The following PAH variants were observed in gnomAD, a reference collection of about 807,000 sequenced individuals.
The protein encoded by PAH is phenylalanine-4-hydroxylase.
In PAH, 64 loss-of-function variants were observed where a neutral mutation model predicts 62.0. That is an observed-to-expected ratio of 1.03 (90% CI 0.84 to 1.27). The LOEUF is 1.27. PAH is among the 50% of genes most tolerant of loss of function. PAH has a pLI of 0.00. For missense variants in PAH, 579 were observed against 542.8 expected, an observed-to-expected ratio of 1.07 and a Z score of -0.66; for synonymous variants, 195 against 196.2, an observed-to-expected ratio of 0.99 and a Z score of 0.05.
rs201083544 is a variant in PAH at position 102,846,875 on chromosome 12, C to T, written c.969+20G>A. 302 of 1,608,284 alleles carry T rather than the reference C, an allele frequency of 1.9e-4. 3 individuals are homozygous for T. The South Asian group carries it at 3.2e-3, about 17-fold the overall frequency. On this transcript the variant is annotated intron_variant, in intron 9 of 12. Coordinates refer to ENST00000553106, the MANE Select transcript of PAH (RefSeq NM_000277.3). ...AGCCTATAGCACTCCACCATCCACCCAGGGAGAGAAGGGACTTACTGTGGC... is the reference window on the plus strand; with the variant it reads ...AGCCTATAGCACTCCACCATCCACCTAGGGAGAGAAGGGACTTACTGTGGC...
intron 5 of PAH, among the ~76,000 whole-genome samples, chr12:102,857,438 G>A (rs1875489074): frequency 6.6e-6 from 1 of 152,124 alleles, no homozygotes; most frequent in Non-Finnish European, 1.5e-5. Context: ...ACCTAGCAAG[G>A]CAGGCCAACA....
At chr12:102,891,504 TTTATAA>T (rs1592976901) in intron 3 of PAH, among the ~76,000 whole-genome samples, 2 of 152,144 alleles carry the variant, frequency 1.3e-5, no homozygotes, top group East Asian at 3.9e-4. Flanking sequence ...CATGCCAGTG[TTTATAA>T]TAATAATGAT....
At chr12:102,908,733 C>T (rs1427464685) in intron 2 of PAH, among the ~76,000 whole-genome samples, 1 of 151,918 alleles carries the variant, frequency 6.6e-6, no homozygotes, top group South Asian at 2.1e-4. Flanking sequence ...ACGTTATAAA[C>T]GAAAGACCAT....
chr12:102,877,337 G>A, intron 4 of PAH, 125 bp downstream of exon 4: 2 of 805,484 alleles, frequency 2.5e-6, no homozygotes. Context: ...GTGTAAATAG[G>A]AACACAATAA....
intron 1 of PAH, 138 bp from the exon 2 acceptor site, chr12:102,913,036 T>C: frequency 1.5e-6 from 1 of 668,690 alleles, no homozygotes; most frequent in South Asian, 1.6e-5. Flanking sequence ...ATATATTCTA[T>C]ACAGAAATAT....
At chr12:102,853,427 G>A (rs1252240086) in intron 6 of PAH, 1 of 227,030 alleles carries the variant, frequency 4.4e-6, no homozygotes, top group Non-Finnish European at 8.8e-6. Flanking sequence ...TACCCCATAA[G>A]TAGCAGTGAC....
At chr12:102,859,976 C>T (rs1420271418) in intron 5 of PAH, among the ~76,000 whole-genome samples, 2 of 152,142 alleles carry the variant, frequency 1.3e-5, no homozygotes, top group Non-Finnish European at 2.9e-5. Flanking sequence ...AAGTTCTGGT[C>T]AGGGCAATCG....
At chr12:102,881,210 C>T (rs1876799997) in intron 3 of PAH, among the ~76,000 whole-genome samples, 2 of 151,280 alleles carry the variant, frequency 1.3e-5, no homozygotes, top group Admixed American at 6.6e-5. Context: ...GACAGGATTT[C>T]GCCATGTTGG....
intron 4 of PAH, among the ~76,000 whole-genome samples, chr12:102,873,487 G>C (rs767114808): frequency 5.9e-5 from 9 of 152,194 alleles, no homozygotes; most frequent in Non-Finnish European, 1.2e-4. Context: ...CTTTTATTGG[G>C]TTGGCCACGG....
At chr12:102,880,105 G>T (rs1376411377) in intron 3 of PAH, among the ~76,000 whole-genome samples, 1 of 152,106 alleles carries the variant, frequency 6.6e-6, no homozygotes, top group Non-Finnish European at 1.5e-5. Context: ...GACCTCCTTG[G>T]TCCCAACTGC....
rs542294033 is a variant in PAH, at chr12:102,912,120, C to T, written c.168+671G>A. Among the ~76,000 whole-genome samples the T allele has an allele frequency of 1.1e-4, 17 of 152,284 alleles. 1 individual carries two copies. The highest frequency in any genetic ancestry group is 4.1e-4 in the African/African-American group (17 of 41,558). On this transcript the variant is annotated intron_variant, in intron 2 of 12. Transcript: ENST00000553106. ...AGTTTGGAAAATAATACATACATTT[C>T]TCTCTGTAAACAACTTAGTATAATT... is the stretch of plus-strand genomic sequence containing the variant.
intron 5 of PAH, among the ~76,000 whole-genome samples, chr12:102,862,632 G>A (rs766007187): frequency 1.6e-4 from 24 of 152,140 alleles, no homozygotes; most frequent in Non-Finnish European, 2.4e-4. Context: ...AGCACAAACA[G>A]ATGTAAACCA....
intron 1 of PAH, among the ~76,000 whole-genome samples, chr12:102,929,250 G>A (rs1878775322): frequency 6.6e-6 from 1 of 152,104 alleles, no homozygotes; most frequent in Admixed American, 6.6e-5. Context: ...GACTAATACA[G>A]ACATTAGTCA....
intron 2 of PAH, among the ~76,000 whole-genome samples, chr12:102,895,869 A>AAAAAAAAAAAAATATATAT (rs953209518): frequency 2.5e-5 from 3 of 118,714 alleles, no homozygotes; most frequent in Admixed American, 8.8e-5. Flanking sequence ...AAAAAAAAAA[A>AAAAAAAAAAAAATATATAT]ATATATATAT....
At chr12:102,899,858 CAAAA>C (rs1166069532) in intron 2 of PAH, among the ~76,000 whole-genome samples, 104 of 9,496 alleles carry the variant, frequency 0.011, no homozygotes, top group African/African-American at 0.023. Flanking sequence ...GACTCCGTCT[CAAAA>C]AAAAAAAAAA....
At chr12:102,908,837 C>CT (rs3062641) in intron 2 of PAH, among the ~76,000 whole-genome samples, 12,744 of 119,934 alleles carry the variant, frequency 0.11, 1,015 homozygotes, top group Admixed American at 0.18. Context: ...CCTCATGTCT[C>CT]TTTTTTTTTT....
intron 1 of PAH, among the ~76,000 whole-genome samples, chr12:102,925,726 C>G (rs899414530): frequency 3.9e-5 from 6 of 152,122 alleles, no homozygotes; most frequent in Non-Finnish European, 8.8e-5. Flanking sequence ...ATCTAAAGAT[C>G]AGCCAAAGCC....
chr12:102,927,883 G>T (rs1353221858), intron 1 of PAH, among the ~76,000 whole-genome samples: 1 of 152,122 alleles, frequency 6.6e-6, no homozygotes, highest in African/African-American at 2.4e-5. Flanking sequence ...GTGATATTTT[G>T]TTTGTCACAT....
rs550037937 is a variant in PAH, at chr12:102,844,378, C to T, written c.1023G>A (p.Lys341=). ...ATGACAGGAGCCCAGCACCATATGC[C>T]TTTATGGAGTCTCCTTGTTTGCAGA... ...FGLCKQGDSI[K]AYGAGLLSSF... The change falls in exon 10 of 13, where the codon AAG becomes AAA. Residue 341 remains lysine, a synonymous_variant. Coordinates refer to ENST00000553106, the MANE Select transcript of PAH (RefSeq NM_000277.3). The T allele has an allele frequency of 2.8e-5, 45 of 1,613,904 alleles. No homozygotes were observed. Among genetic ancestry groups the T allele is most frequent in the Non-Finnish European group, 1.4e-5 (16 of 1,179,834 alleles).
Sources: gnomAD v4.1 joint callset for allele counts (sites outside exome capture counted in the v4.1 genomes callset) on GRCh38, gnomAD v4.1.1 for gene constraint, MANE v1.5 for transcripts, NCBI Gene and HGNC (gene_info 2026-07-23, HGNC 2026-07-21) for gene names.